SETBP1: variants seen among roughly 807,000 people sequenced by gnomAD.
SETBP1 encodes the protein SET binding protein 1.
Under a neutral mutation model 101.0 loss-of-function variants are expected in SETBP1, and 9 were observed. The observed-to-expected ratio is 0.09, with a 90% CI of 0.05 to 0.16. The LOEUF (loss-of-function observed/expected upper bound fraction) is 0.16. Ranked by LOEUF, SETBP1 falls within the 10% of genes least tolerant of loss-of-function variation. The pLI is 1.00. For missense variants in SETBP1, 1,858 were observed against 2,033.8 expected (o/e 0.91, Z 1.66); for synonymous variants, 818 against 788.5 (o/e 1.04, Z -0.63).
intron 4 of SETBP1, among the ~76,000 whole-genome samples, chr18:45,013,904 G>A (rs1203426780): frequency 6.6e-6 from 1 of 152,204 alleles, no homozygotes; most frequent in Non-Finnish European, 1.5e-5. Context: ...TCAGGAAAAG[G>A]CATGTGGTGT....
At chr18:44,851,012 G>A (rs574693156) in intron 2 of SETBP1, among the ~76,000 whole-genome samples, 2 of 152,270 alleles carry the variant, frequency 1.3e-5, no homozygotes, top group South Asian at 2.1e-4. Context: ...TCAACCTTGG[G>A]ATCTATTCTG....
At chr18:44,803,335 G>A (rs959829967) in intron 2 of SETBP1, among the ~76,000 whole-genome samples, 5 of 152,108 alleles carry the variant, frequency 3.3e-5, no homozygotes, top group African/African-American at 7.2e-5. Flanking sequence ...GTAGTAAAAC[G>A]TTTCTTCAGG....
chr18:44,688,580 G>A (rs2068876146), intron 1 of SETBP1, among the ~76,000 whole-genome samples: 1 of 151,288 alleles, frequency 6.6e-6, no homozygotes, highest in African/African-American at 2.4e-5. Context: ...AGCCTCCCAA[G>A]TAGTTGGGAT....
At chr18:44,765,931 G>A (rs995370094) in intron 2 of SETBP1, among the ~76,000 whole-genome samples, 1 of 152,236 alleles carries the variant, frequency 6.6e-6, no homozygotes, top group Non-Finnish European at 1.5e-5. Context: ...GATTATAATA[G>A]TAATTAGAGT....
At chr18:44,707,222 G>A (rs1189514715) in intron 2 of SETBP1, among the ~76,000 whole-genome samples, 1 of 152,204 alleles carries the variant, frequency 6.6e-6, no homozygotes, top group Admixed American at 6.5e-5. Context: ...ATTTCTGAAA[G>A]GTGAGGATCA....
At chr18:45,019,267 T>C (rs746498501) in intron 4 of SETBP1, among the ~76,000 whole-genome samples, 4 of 152,248 alleles carry the variant, frequency 2.6e-5, no homozygotes, top group Non-Finnish European at 5.9e-5. Flanking sequence ...AATGTTTTAC[T>C]GTCAGGTTTG....
At chr18:44,880,937 T>C (rs531716813) in intron 3 of SETBP1, among the ~76,000 whole-genome samples, 1 of 152,350 alleles carries the variant, frequency 6.6e-6, no homozygotes, top group African/African-American at 2.4e-5. Context: ...AAATACAGTC[T>C]GTGTGCTTCC....
At chr18:45,046,145 A>C (rs918157307) in intron 5 of SETBP1, among the ~76,000 whole-genome samples, 1 of 152,240 alleles carries the variant, frequency 6.6e-6, no homozygotes, top group African/African-American at 2.4e-5. Flanking sequence ...AAAGGATCGC[A>C]TAGTCCCTGT....
intron 2 of SETBP1, among the ~76,000 whole-genome samples, chr18:44,832,403 C>T (rs952948972): frequency 1.3e-5 from 2 of 152,204 alleles, no homozygotes; most frequent in Admixed American, 6.5e-5. Flanking sequence ...ACTATGTGCT[C>T]AGGAAATGCT....
intron 1 of SETBP1, among the ~76,000 whole-genome samples, chr18:44,687,570 G>A (rs2068859183): frequency 6.6e-6 from 1 of 152,148 alleles, no homozygotes; most frequent in South Asian, 2.1e-4. Flanking sequence ...ACCACTAAGA[G>A]TAATGTGGAA....
At chr18:44,813,262 G>C (rs1343899003) in intron 2 of SETBP1, among the ~76,000 whole-genome samples, 1 of 152,142 alleles carries the variant, frequency 6.6e-6, no homozygotes, top group Non-Finnish European at 1.5e-5. Context: ...ATACCCTATG[G>C]TGATGGCTCC....
rs971852461 is a variant in SETBP1, at chr18:45,058,607, G to A, written c.4172-4472G>A. ...CCTTGTTTTCCAGCTTCTTCTACAC[G>A]GAATCGTTTCTACTGTACCATACTC... On this transcript the variant is annotated intron_variant, in intron 5 of 5. Coordinates refer to ENST00000649279, the MANE Select transcript of SETBP1 (RefSeq NM_015559.3). Among the ~76,000 whole-genome samples, 6 of 152,114 alleles carry A rather than the reference G, an allele frequency of 3.9e-5. No individual in the cohort carries two copies. The South Asian group carries it at 6.2e-4, about 16-fold the overall frequency.
Position 45,063,816 on chromosome 18 carries a change from C to A in SETBP1, c.*118C>A. On this transcript the variant is annotated 3_prime_UTR_variant, in exon 6 of 6. Coordinates refer to ENST00000649279, the MANE Select transcript of SETBP1 (RefSeq NM_015559.3). ...ACACCCACGCCCTTCTCTCCAGAAG[C>A]CGGGCAGGCAGAATCCGGCCAGACG... is the stretch of plus-strand genomic sequence containing the variant. 4.1e-6 allele frequency: 5 copies of A among 1,232,450 alleles called. No homozygotes were observed. The highest frequency in any genetic ancestry group is 5.6e-6 in the Non-Finnish European group (5 of 890,132). The allele number at this position is 1,232,450 out of a possible 1,614,324, so 76.3% of individuals were successfully genotyped here. A position where few individuals can be genotyped will look rare whatever the true frequency, so the allele number is the denominator to read the frequency against.
Position 44,875,378 on chromosome 18 carries a change from C to T in SETBP1, c.540+6095C>T, listed in dbSNP as rs569865159. ...ACTAAAAATACAAAAACTAGCTGGG[C>T]GTGGTGCTGCGTGCCTGTAGTCCCA... is the stretch of plus-strand genomic sequence containing the variant. On this transcript the variant is annotated intron_variant, in intron 3 of 5. Transcript: ENST00000649279. 4.0e-5 allele frequency among the ~76,000 whole-genome samples: 6 copies of T among 151,782 alleles called. No individual in the cohort carries two copies. The East Asian group carries it at 5.8e-4, about 15-fold the overall frequency.
At chr18:44,939,089 T>G (rs941377074) in intron 3 of SETBP1, among the ~76,000 whole-genome samples, 6 of 152,210 alleles carry the variant, frequency 3.9e-5, no homozygotes, top group African/African-American at 1.4e-4. Context: ...TGAGGTTAAA[T>G]GTACATATAC....
At chr18:45,050,318 C>T (rs898141082) in intron 5 of SETBP1, among the ~76,000 whole-genome samples, 7 of 152,192 alleles carry the variant, frequency 4.6e-5, no homozygotes, top group African/African-American at 1.4e-4. Context: ...TACCTCCTCA[C>T]CCCCACAACT....
intron 4 of SETBP1, among the ~76,000 whole-genome samples, chr18:45,028,826 T>C (rs1001691952): frequency 1.2e-4 from 19 of 152,248 alleles, no homozygotes; most frequent in Admixed American, 1.1e-3. Flanking sequence ...GAAGTGTCTG[T>C]TCATGTCCTT....
chr18:45,001,111 C>T (rs1038535204), intron 4 of SETBP1, among the ~76,000 whole-genome samples: 2 of 152,172 alleles, frequency 1.3e-5, no homozygotes, highest in East Asian at 1.9e-4. Flanking sequence ...GAATCCAACA[C>T]ACTAAATGCT....
chr18:44,807,423 C>A (rs188807432), intron 2 of SETBP1, among the ~76,000 whole-genome samples: 1 of 151,724 alleles, frequency 6.6e-6, no homozygotes, highest in East Asian at 2.0e-4. Flanking sequence ...TTTAAATTAT[C>A]CATGTGCCAT....
Sources: allele counts gnomAD v4.1 joint callset (sites outside exome capture counted in the v4.1 genomes callset), GRCh38; gene constraint gnomAD v4.1.1; transcripts MANE v1.5; gene names NCBI Gene and HGNC (gene_info 2026-07-23, HGNC 2026-07-21).